Variants in PISD observed in about 807,000 individuals in gnomAD.
PISD encodes the protein phosphatidylserine decarboxylase proenzyme, mitochondrial.
Under a neutral mutation model 43.5 loss-of-function variants are expected in PISD, and 31 were observed. The ratio of observed to expected loss-of-function variants is 0.71; its 90% confidence interval spans 0.54 to 0.96. PISD has a LOEUF of 0.96. Among genes scored for constraint, PISD ranks in the 40% least tolerant of loss-of-function variants. PISD has a pLI of 0.00. For missense variants in PISD, 523 were observed against 548.4 expected (o/e 0.95, Z 0.46); for synonymous variants, 259 against 228.7 (o/e 1.13, Z -1.20).
Position 31,619,426 on chromosome 22 carries a change from C to T in PISD, c.*186G>A, listed in dbSNP as rs1425478202. On this transcript the variant is annotated 3_prime_UTR_variant, in exon 8 of 8. Transcript: ENST00000439502. ...GATAGGTTGAGGGGCATGATGGGGG[C>T]TCTCGCCACCTCTTGTCTGCACCTC... The T allele has an allele frequency of 2.5e-5, 17 of 683,720 alleles. No homozygotes were observed. The Middle Eastern group carries it at 9.7e-4, about 39-fold the overall frequency. The allele number at this position is 683,720 out of a possible 1,614,324, so 42.4% of individuals were successfully genotyped here.
rs1351408461 is a variant in PISD at position 31,648,136 on chromosome 22, A to G, written c.286T>C (p.Leu96=). Reference sequence around the variant, plus strand: ...CCAGCAAGTTTGGGTGGAATCTCCAATCCCAGCTTCTCCAGCTCTCGCTCC... The same window carrying G: ...CCAGCAAGTTTGGGTGGAATCTCCAGTCCCAGCTTCTCCAGCTCTCGCTCC... ...YRERELEKLG[L]EIPPKLAGHW... is the part of the protein sequence containing the mutation. The change falls in exon 3 of 8, where the codon TTG becomes CTG. Residue 96 remains leucine, a synonymous_variant. Coordinates refer to ENST00000439502, the MANE Select transcript of PISD (RefSeq NM_001326411.2). 2 of 1,612,176 alleles carry G rather than the reference A, an allele frequency of 1.2e-6. No individual in the cohort carries two copies. Among genetic ancestry groups the G allele is most frequent in the Non-Finnish European group, 1.7e-6 (2 of 1,179,796 alleles).
intron 2 of PISD, 82 bp downstream of exon 2, chr22:31,650,617 A>T (rs1359706203): frequency 3.9e-6 from 3 of 765,080 alleles, no homozygotes; most frequent in Non-Finnish European, 4.4e-6. Flanking sequence ...TAACTCTAAC[A>T]ACAACCCTAT....
At chr22:31,629,088 C>T in intron 3 of PISD, 5 of 985,384 alleles carry the variant, frequency 5.1e-6, no homozygotes, top group Non-Finnish European at 6.0e-6. Context: ...AGGCAGTGTC[C>T]CCACCCGTCC....
intron 1 of PISD, among the ~76,000 whole-genome samples, chr22:31,655,139 A>G (rs141622088): frequency 4.0e-5 from 6 of 151,896 alleles, no homozygotes; most frequent in Non-Finnish European, 8.8e-5. Flanking sequence ...TGCTTGGAGA[A>G]CAGCTGCCCT....
At chr22:31,632,753 T>C (rs992942928) in intron 3 of PISD, among the ~76,000 whole-genome samples, 6 of 152,198 alleles carry the variant, frequency 3.9e-5, no homozygotes, top group East Asian at 1.9e-4. Context: ...ATTAGGTAAA[T>C]AATTATCTAA....
intron 3 of PISD, among the ~76,000 whole-genome samples, chr22:31,642,794 C>CAAA (rs781163913): frequency 7.0e-5 from 5 of 71,776 alleles, no homozygotes; most frequent in Non-Finnish European, 1.4e-4. Flanking sequence ...GACTCAGTTT[C>CAAA]AAAAAAAAAA....
At chr22:31,625,834 C>T (rs780709289) in intron 3 of PISD, 10 of 1,591,848 alleles carry the variant, frequency 6.3e-6, no homozygotes, top group South Asian at 3.4e-5. Flanking sequence ...GCAGGGAGGG[C>T]GGGGCGAGGC....
intron 3 of PISD, chr22:31,625,847 ACTC>A: frequency 6.3e-7 from 1 of 1,580,048 alleles, no homozygotes; most frequent in Non-Finnish European, 8.6e-7. Context: ...GGCGAGGCTC[ACTC>A]GATCACTCCC....
chr22:31,620,883 A>C, intron 6 of PISD, 113 bp downstream of exon 6: 2 of 1,401,726 alleles, frequency 1.4e-6, no homozygotes, highest in Non-Finnish European at 1.9e-6. Flanking sequence ...AAAGCAGTCA[A>C]CTCCTGGCCT....
rs755072359 is a variant in PISD, at chr22:31,621,860, G to A, written c.347C>T (p.Thr116Met). 12 of 1,609,854 alleles carry A rather than the reference G, an allele frequency of 7.5e-6. No homozygotes were observed. The highest frequency in any genetic ancestry group is 1.1e-5 in the South Asian group (1 of 91,090). ...WEVALYKSVP[T>M]RLLSRAWGRL... ...ACCCCAGGCCCGTGACAGCAAGCGC[G>A]TTGGCACTGACTTGTACAAAGCCAC... The change falls in exon 4 of 8, where the codon ACG (threonine) becomes ATG (methionine). Residue 116 changes from threonine (T) to methionine (M), a missense_variant. Transcript: ENST00000439502.
At chr22:31,637,587 G>T (rs1047923963) in intron 3 of PISD, among the ~76,000 whole-genome samples, 7 of 152,002 alleles carry the variant, frequency 4.6e-5, no homozygotes, top group Non-Finnish European at 7.4e-5. Flanking sequence ...CACTCACGCT[G>T]GGACGTGCAT....
At chr22:31,639,516 C>CTAGG (rs2147749439) in intron 3 of PISD, among the ~76,000 whole-genome samples, 1 of 152,148 alleles carries the variant, frequency 6.6e-6, no homozygotes, top group Non-Finnish European at 1.5e-5. Context: ...GCATGAGCCA[C>CTAGG]CATGCCTAGC....
At chr22:31,625,843 G>C in intron 3 of PISD, 1 of 1,584,724 alleles carries the variant, frequency 6.3e-7, no homozygotes, top group East Asian at 2.3e-5. Flanking sequence ...GCGGGGCGAG[G>C]CTCACTCGAT....
At chr22:31,636,616 T>C (rs2073446555) in intron 3 of PISD, among the ~76,000 whole-genome samples, 1 of 150,162 alleles carries the variant, frequency 6.7e-6, no homozygotes, top group Non-Finnish European at 1.5e-5. Flanking sequence ...CTCGGCTCAC[T>C]GCAAGCTCTG....
At chr22:31,659,526 T>C (rs772686163) in intron 1 of PISD, among the ~76,000 whole-genome samples, 7 of 152,116 alleles carry the variant, frequency 4.6e-5, no homozygotes, top group Non-Finnish European at 1.0e-4. Context: ...CTGTAAAAAC[T>C]ACAGTTGCCA....
chr22:31,619,832 A>C lies in PISD; in HGVS notation c.1010T>G (p.Leu337Arg). 1 of 1,612,396 alleles carries C rather than the reference A, an allele frequency of 6.2e-7. No homozygotes were observed. Among genetic ancestry groups the C allele is most frequent in the East Asian group, 2.2e-5 (1 of 44,870 alleles). ...GCTGTGCCTTGGGCTGTTTGTGTGC[A>C]GGTCCTGTGGTGATAGGCTGGGGGT... The part of the protein sequence containing the change: ...GSIRIYFDRD[L>R]HTNSPRHSKG... The change falls in exon 8 of 8, where the codon CTG becomes CGG. Residue 337 changes from leucine (L) to arginine (R), a missense_variant. By Grantham distance (102) the Leu-to-Arg change is moderately radical. Coordinates refer to ENST00000439502, the MANE Select transcript of PISD (RefSeq NM_001326411.2).
At chr22:31,659,200 G>T (rs1010642720) in intron 1 of PISD, among the ~76,000 whole-genome samples, 2 of 152,044 alleles carry the variant, frequency 1.3e-5, no homozygotes, top group Non-Finnish European at 2.9e-5. Flanking sequence ...TTTGCCTATA[G>T]TCCTTATGTC....
At chr22:31,637,064 T>C (rs1182719227) in intron 3 of PISD, among the ~76,000 whole-genome samples, 1 of 147,912 alleles carries the variant, frequency 6.8e-6, no homozygotes, top group African/African-American at 2.5e-5. Context: ...AAGGCAGCTA[T>C]ATCACTTGAG....
intron 7 of PISD, 42 bp downstream of exon 7, chr22:31,620,511 G>T (rs1197084509): frequency 6.2e-7 from 1 of 1,603,806 alleles, no homozygotes. Context: ...AGACCCAAGA[G>T]GTCTGGCCCT....
Sources: gnomAD v4.1 joint callset for allele counts (sites outside exome capture counted in the v4.1 genomes callset) on GRCh38, gnomAD v4.1.1 for gene constraint, MANE v1.5 for transcripts, NCBI Gene and HGNC (gene_info 2026-07-23, HGNC 2026-07-21) for gene names.